TSPAN15: variants seen among roughly 807,000 people sequenced by gnomAD.
The protein encoded by TSPAN15 is tetraspanin 15.
Under a neutral mutation model 34.5 loss-of-function variants are expected in TSPAN15, and 20 were observed. The observed-to-expected ratio is 0.58, with a 90% CI of 0.41 to 0.84. The LOEUF is 0.84. TSPAN15 is among the 40% of genes least tolerant of loss of function. The pLI is 0.00. For synonymous variants in TSPAN15, 155 were observed against 153.9 expected (o/e 1.01, Z -0.05); for missense variants, 313 against 386.1 (o/e 0.81, Z 1.59).
At chr10:69,530,812 CTCTCTCTCTATA>C in the TSPAN15 span, among the ~76,000 whole-genome samples, 44 of 66,652 alleles carry the variant, frequency 6.6e-4, no homozygotes, top group Admixed American at 1.2e-3. Context: ...CTCTCTCTCT[CTCTCTCTCTATA>C]TATATATATA....
At chr10:69,541,410 C>A in the TSPAN15 span, among the ~76,000 whole-genome samples, 2 of 152,200 alleles carry the variant, frequency 1.3e-5, no homozygotes, top group Non-Finnish European at 2.9e-5. Context: ...GGTAAATACA[C>A]CCATTCCAAA....
chr10:69,458,180 G>A (rs1012201399), intron 1 of TSPAN15, among the ~76,000 whole-genome samples: 2 of 152,190 alleles, frequency 1.3e-5, no homozygotes, highest in East Asian at 3.9e-4. Context: ...TCTGAAAGAG[G>A]CCACGTCCCT....
the TSPAN15 span, among the ~76,000 whole-genome samples, chr10:69,528,602 C>T: frequency 6.7e-6 from 1 of 148,528 alleles, no homozygotes; most frequent in African/African-American, 2.4e-5. Context: ...AGTTCTTGTC[C>T]TGTGACCAGG....
chr10:69,486,789 C>G (rs543743698), intron 3 of TSPAN15, among the ~76,000 whole-genome samples: 237 of 152,356 alleles, frequency 1.6e-3, no homozygotes, highest in Non-Finnish European at 2.4e-3. Context: ...GCAGTGGGAC[C>G]TAACCACAGG....
At chr10:69,492,469 C>T (rs552924838) in intron 3 of TSPAN15, among the ~76,000 whole-genome samples, 1 of 152,180 alleles carries the variant, frequency 6.6e-6, no homozygotes, top group South Asian at 2.1e-4. Flanking sequence ...ACCAGCATGC[C>T]TCAAAGAGCT....
chr10:69,525,613 G>A, the TSPAN15 span, among the ~76,000 whole-genome samples: 1 of 147,428 alleles, frequency 6.8e-6, no homozygotes, highest in South Asian at 2.1e-4. Flanking sequence ...CTGAGGTCAG[G>A]AGTTCGAGAC....
chr10:69,487,034 G>A (rs1299156032), intron 3 of TSPAN15, among the ~76,000 whole-genome samples: 1 of 151,904 alleles, frequency 6.6e-6, no homozygotes, highest in East Asian at 1.9e-4. Context: ...CCATGGGGCT[G>A]CCTTTCTGTG....
At position 69,483,851 on chromosome 10, in the gene TSPAN15, G is replaced by A. The variant is rs750990260; in HGVS notation, c.257G>A (p.Arg86His). The A allele has an allele frequency of 1.2e-5, 19 of 1,613,704 alleles. No homozygotes were observed. The highest frequency in any genetic ancestry group is 6.7e-5 in the Admixed American group (4 of 59,988). ...VSFIGVLASLRDNLYLLQAFM... is the reference protein window; with the variant it reads ...VSFIGVLASLHDNLYLLQAFM... ...TTCATTGGTGTGCTGGCGTCCCTCC[G>A]TGACAACCTGTACCTTCTCCAAGCA... Residue 86 changes from arginine (R) to histidine (H), a missense_variant, in exon 2 of 8, where the codon CGT becomes CAT. By Grantham distance (29) the Arg-to-His change is conservative (BLOSUM62 0). Transcript: ENST00000373290.
At chr10:69,530,396 C>A in the TSPAN15 span, among the ~76,000 whole-genome samples, 2 of 147,852 alleles carry the variant, frequency 1.4e-5, no homozygotes, top group African/African-American at 4.9e-5. Flanking sequence ...ACATTGCTAG[C>A]CACTTTATAA....
At chr10:69,546,568 C>G in the TSPAN15 span, among the ~76,000 whole-genome samples, 1 of 152,172 alleles carries the variant, frequency 6.6e-6, no homozygotes, top group Non-Finnish European at 1.5e-5. Context: ...AAGGTGGAAA[C>G]TCTTGGGTTC....
At chr10:69,526,258 T>A in the TSPAN15 span, among the ~76,000 whole-genome samples, 1 of 147,888 alleles carries the variant, frequency 6.8e-6, no homozygotes, top group African/African-American at 2.5e-5. Context: ...TTATCAAAAC[T>A]AATTTTAAAA....
chr10:69,481,918 A>G (rs1233075079), intron 1 of TSPAN15, among the ~76,000 whole-genome samples: 1 of 152,216 alleles, frequency 6.6e-6, no homozygotes, highest in East Asian at 1.9e-4. Context: ...CAGAGGGTCT[A>G]TTGGAAAGCC....
chr10:69,454,863 T>A (rs1431673217), intron 1 of TSPAN15, among the ~76,000 whole-genome samples: 1 of 151,882 alleles, frequency 6.6e-6, no homozygotes, highest in Non-Finnish European at 1.5e-5. Flanking sequence ...TGCATGGGCT[T>A]GTTACAAAAT....
chr10:69,461,610 G>C (rs1044143623), intron 1 of TSPAN15, among the ~76,000 whole-genome samples: 1 of 152,178 alleles, frequency 6.6e-6, no homozygotes, highest in African/African-American at 2.4e-5. Context: ...GGAGACTGTG[G>C]GGGTGCTTGG....
At chr10:69,509,620 G>T (rs1210064259), downstream of TSPAN15, among the ~76,000 whole-genome samples, 1 of 152,118 alleles carries the variant, frequency 6.6e-6, no homozygotes, top group Admixed American at 6.5e-5. Flanking sequence ...GGCTTTTGTT[G>T]CCATTGCTTT....
chr10:69,458,180 G>T (rs1012201399), intron 1 of TSPAN15, among the ~76,000 whole-genome samples: 1 of 152,190 alleles, frequency 6.6e-6, no homozygotes, highest in Non-Finnish European at 1.5e-5. Context: ...TCTGAAAGAG[G>T]CCACGTCCCT....
chr10:69,468,972 G>C (rs1040699125), intron 1 of TSPAN15, among the ~76,000 whole-genome samples: 1 of 141,266 alleles, frequency 7.1e-6, no homozygotes, highest in East Asian at 2.1e-4. Flanking sequence ...AGTTTACGCT[G>C]ATGCGATGAC....
intron 1 of TSPAN15, among the ~76,000 whole-genome samples, chr10:69,455,630 C>CCG (rs1554830593): frequency 2.6e-5 from 3 of 114,828 alleles, no homozygotes; most frequent in African/African-American, 9.6e-5. Flanking sequence ...CTCTCTCCCC[C>CCG]CCCCGTCTCT....
the TSPAN15 span, among the ~76,000 whole-genome samples, chr10:69,537,752 G>A: frequency 2.3e-3 from 349 of 152,296 alleles, 2 homozygotes; most frequent in African/African-American, 8.0e-3. Flanking sequence ...TGGGAAGAAC[G>A]TGATTCCGTC....
Sources: gnomAD v4.1 joint callset for allele counts (sites outside exome capture counted in the v4.1 genomes callset) on GRCh38, gnomAD v4.1.1 for gene constraint, MANE v1.5 for transcripts, NCBI Gene and HGNC (gene_info 2026-07-23, HGNC 2026-07-21) for gene names.